The following TIAM2 variants were observed in gnomAD, a reference collection of about 807,000 sequenced individuals.
TIAM2 encodes the protein TIAM Rac1 associated GEF 2.
TIAM2 carries 80 observed loss-of-function variants against 152.9 expected under a neutral mutation model. The observed-to-expected ratio is 0.52, with a 90% CI of 0.44 to 0.63. TIAM2 has a LOEUF of 0.63. Ranked by LOEUF, TIAM2 falls within the 30% of genes least tolerant of loss-of-function variation. The pLI is 0.00. For synonymous variants in TIAM2, 804 were observed against 838.0 expected (o/e 0.96, Z 0.70); for missense variants, 1,965 against 2,120.1 (o/e 0.93, Z 1.44).
intron 2 of TIAM2, among the ~76,000 whole-genome samples, chr6:155,119,176 A>G (rs542951284): frequency 2.0e-5 from 3 of 151,938 alleles, no homozygotes; most frequent in African/African-American, 7.2e-5. Context: ...CTGGGATTAC[A>G]GGTGCCTGCC....
Position 155,129,483 on chromosome 6 carries a change from GA to G in TIAM2, c.261del (p.Gly88ValfsTer86), listed in dbSNP as rs1197864952. 1 of 1,614,054 alleles carries G rather than the reference GA, an allele frequency of 6.2e-7. No individual in the cohort carries two copies. Among genetic ancestry groups the G allele is most frequent in the Non-Finnish European group, 8.5e-7 (1 of 1,180,046 alleles). ...RLGGPTCKVS[R>X]GVAYSTHRTN... is the part of the protein sequence containing the mutation. Reference sequence around the variant, plus strand: ...GGTGGCCCCACATGCAAGGTCTCCAGAGGTGTTGCCTACTCCACGCACAGGA... The same window carrying G: ...GGTGGCCCCACATGCAAGGTCTCCAGGGTGTTGCCTACTCCACGCACAGGA... On this transcript the variant is annotated frameshift_variant, in exon 4 of 27. Transcript: ENST00000682666. LOFTEE classifies it high-confidence loss of function. This position sits in a 1 kb window ranked among gnomAD's most constrained non-coding sequence, Gnocchi z 4.8.
Position 155,127,516 on chromosome 6 carries a change from G to A in TIAM2, c.-91G>A. On this transcript the variant is annotated 5_prime_UTR_variant, in exon 3 of 27. Coordinates refer to ENST00000682666, the MANE Select transcript of TIAM2 (RefSeq NM_012454.4). ...CTCACTTCATGGACTCACTTTGCGT[G>A]CTTGTTAAATGTGCTGTGTTGCTCC... 1 of 453,930 alleles carries A rather than the reference G, an allele frequency of 2.2e-6. No homozygotes were observed. The highest frequency in any genetic ancestry group is 4.4e-6 in the Non-Finnish European group (1 of 226,312). The allele number at this position is 453,930 out of a possible 1,614,324, so 28.1% of individuals were successfully genotyped here.
At chr6:155,003,710 G>A (rs1401492489) in intron 1 of TIAM2, among the ~76,000 whole-genome samples, 1 of 152,200 alleles carries the variant, frequency 6.6e-6, no homozygotes, top group African/African-American at 2.4e-5. Context: ...CCAGGAATCG[G>A]TTGTGTGTTT....
intron 22 of TIAM2, among the ~76,000 whole-genome samples, 195 bp downstream of exon 22, chr6:155,251,216 C>CTCA (rs1783636874): frequency 6.6e-6 from 1 of 152,216 alleles, no homozygotes; most frequent in Non-Finnish European, 1.5e-5. Context: ...CTTGTTCTCC[C>CTCA]TTCTGCTGCT....
intron 14 of TIAM2, among the ~76,000 whole-genome samples, chr6:155,205,780 C>T (rs1260707964): frequency 1.3e-5 from 2 of 152,170 alleles, no homozygotes; most frequent in Non-Finnish European, 2.9e-5. Context: ...AAGAATTCCC[C>T]CTTGAGCCTA....
intron 1 of TIAM2, among the ~76,000 whole-genome samples, chr6:155,081,273 G>C (rs1778055541): frequency 6.6e-6 from 1 of 151,930 alleles, no homozygotes; most frequent in South Asian, 2.1e-4. Flanking sequence ...TCGTGCATCT[G>C]TTTGTTTCTT....
intron 2 of TIAM2, among the ~76,000 whole-genome samples, chr6:155,111,706 G>A (rs1289183221): frequency 1.3e-5 from 2 of 152,146 alleles, no homozygotes; most frequent in African/African-American, 4.8e-5. Flanking sequence ...TTTTAGGAAT[G>A]GCCCCTCTCT....
chr6:155,082,480 G>A (rs1778084729), intron 1 of TIAM2, among the ~76,000 whole-genome samples: 1 of 151,900 alleles, frequency 6.6e-6, no homozygotes, highest in African/African-American at 2.4e-5. Flanking sequence ...GAGAAATCCT[G>A]TCTCTACTAA....
chr6:155,251,454 T>G (rs886242963), intron 22 of TIAM2, among the ~76,000 whole-genome samples: 4 of 151,920 alleles, frequency 2.6e-5, no homozygotes, highest in African/African-American at 9.7e-5. Flanking sequence ...GCCCGGCTGA[T>G]TTTTGTATTT....
At chr6:155,008,063 G>A (rs1778428236) in intron 1 of TIAM2, among the ~76,000 whole-genome samples, 1 of 152,226 alleles carries the variant, frequency 6.6e-6, no homozygotes, top group South Asian at 2.1e-4. Flanking sequence ...ACGTACATAT[G>A]TAATTGTCGA....
rs776711118 is a variant in TIAM2 at position 155,129,214 on chromosome 6, T to A, written c.-6-4T>A. 3.7e-6 allele frequency: 6 copies of A among 1,608,432 alleles called. No individual in the cohort carries two copies. Among genetic ancestry groups the A allele is most frequent in the South Asian group, 3.3e-5 (3 of 90,948 alleles). ...TCTTACTGATGCAACTGTTCTTAAT[T>A]TAGGTTAAAATGGGCAACTCCGACA... On this transcript the variant is annotated splice_polypyrimidine_tract_variant and splice_region_variant and intron_variant, in intron 3 of 26. Transcript: ENST00000682666. This position sits in a 1 kb window ranked among gnomAD's most constrained non-coding sequence, Gnocchi z 4.8.
chr6:155,039,660 TA>T (rs373522251), intron 1 of TIAM2, among the ~76,000 whole-genome samples: 2,018 of 151,536 alleles, frequency 0.013, 47 homozygotes, highest in African/African-American at 0.045. Context: ...GGGGGGCTCT[TA>T]AAAAAATACA....
intron 1 of TIAM2, among the ~76,000 whole-genome samples, chr6:155,018,938 G>C (rs1341076164): frequency 6.7e-6 from 1 of 149,726 alleles, no homozygotes; most frequent in Admixed American, 6.7e-5. Context: ...TACTTGGGAG[G>C]CTGAGGCAGG....
intron 1 of TIAM2, among the ~76,000 whole-genome samples, chr6:155,073,159 CTT>C (rs34459359): frequency 1.6e-3 from 169 of 105,294 alleles, no homozygotes; most frequent in Admixed American, 3.1e-3. Context: ...TGATTAAGTT[CTT>C]TTTTTTTTTT....
intron 9 of TIAM2, among the ~76,000 whole-genome samples, chr6:155,172,099 G>A (rs1198221957): frequency 1.3e-5 from 2 of 152,112 alleles, no homozygotes; most frequent in Middle Eastern, 6.3e-3. Flanking sequence ...GTGGTTTCAG[G>A]ACCATTGATG....
intron 1 of TIAM2, among the ~76,000 whole-genome samples, chr6:155,062,130 A>G (rs76847475): frequency 0.065 from 8,045 of 124,212 alleles, 760 homozygotes; most frequent in African/African-American, 0.22. Context: ...AGGAAAAGGG[A>G]TTGAAGATTT....
At chr6:155,119,098 G>C (rs889378337) in intron 2 of TIAM2, among the ~76,000 whole-genome samples, 1 of 150,758 alleles carries the variant, frequency 6.6e-6, no homozygotes, top group African/African-American at 2.4e-5. Flanking sequence ...GCAGTGGCGC[G>C]ATCTCGGCTC....
chr6:155,170,960 TG>T (rs1353216957), intron 9 of TIAM2, among the ~76,000 whole-genome samples: 1 of 152,230 alleles, frequency 6.6e-6, no homozygotes, highest in East Asian at 1.9e-4. Flanking sequence ...GGGTGTAATT[TG>T]TTTTTTTATA....
At chr6:155,048,213 G>A (rs1291006306) in intron 1 of TIAM2, among the ~76,000 whole-genome samples, 2 of 152,042 alleles carry the variant, frequency 1.3e-5, no homozygotes, top group Non-Finnish European at 2.9e-5. Flanking sequence ...TTGGACTCCT[G>A]AAGTGGTGGG....
Sources: gnomAD v4.1 joint callset for allele counts (sites outside exome capture counted in the v4.1 genomes callset) on GRCh38, gnomAD v4.1.1 for gene constraint, Gnocchi (gnomAD v3.1) non-coding constraint, MANE v1.5 for transcripts, NCBI Gene and HGNC (gene_info 2026-07-23, HGNC 2026-07-21) for gene names.